Variants in ERI2 observed in about 807,000 individuals in gnomAD.
ERI2 encodes the protein ERI1 exoribonuclease family member 2, also known as ERI1 exoribonuclease 2.
ERI2 carries 35 observed loss-of-function variants against 46.8 expected under a neutral mutation model. That is an observed-to-expected ratio of 0.75 (90% CI 0.57 to 0.99). The LOEUF is 0.99. Ranked by LOEUF, ERI2 falls within the 50% of genes least tolerant of loss-of-function variation. ERI2 has a pLI of 0.00. For synonymous variants in ERI2, 224 were observed against 271.0 expected (o/e 0.83, Z 1.70); for missense variants, 695 against 796.2 (o/e 0.87, Z 1.53).
chr16:20,802,751 T>C (rs2080809878), intron 4 of ERI2, 45 bp downstream of exon 4: 4 of 1,571,120 alleles, frequency 2.5e-6, no homozygotes, highest in Admixed American at 1.8e-5. Flanking sequence ...TAACTTTTAT[T>C]TTCTTTTTGA....
chr16:20,785,979 G>GT, intron 10 of ERI2: 1 of 776,218 alleles, frequency 1.3e-6, no homozygotes, highest in Non-Finnish European at 2.0e-6. Flanking sequence ...CTAGTTCATA[G>GT]TAAGTTTTCA....
Position 20,798,524 on chromosome 16 carries a change from TAC to T in ERI2, c.1274_1275del (p.Cys425TyrfsTer5), listed in dbSNP as rs1392283925. ...AAGTCTGAGTCACTAATGGGAACTGTACAGTCTACGTTTTCCTCAGGCTGAGA... is the reference window on the plus strand; with the variant it reads ...AAGTCTGAGTCACTAATGGGAACTGTAGTCTACGTTTTCCTCAGGCTGAGA... ...PASQPEENVD[C>X]TVPISDSDLE... is the part of the protein sequence containing the mutation. On this transcript the variant is annotated frameshift_variant, in exon 9 of 9. Coordinates refer to ENST00000357967, the MANE Select transcript of ERI2 (RefSeq NM_001142725.2). LOFTEE classifies it high-confidence loss of function. 1 of 1,551,634 alleles carries T rather than the reference TAC, an allele frequency of 6.4e-7. No individual in the cohort carries two copies. Among genetic ancestry groups the T allele is most frequent in the Non-Finnish European group, 8.7e-7 (1 of 1,146,914 alleles).
At chr16:20,783,934 C>G (rs2080411368) in intron 10 of ERI2, among the ~76,000 whole-genome samples, 1 of 152,086 alleles carries the variant, frequency 6.6e-6, no homozygotes, top group African/African-American at 2.4e-5. Flanking sequence ...GCCTCCTGAG[C>G]ATGTAGGATT....
chr16:20,781,350 G>A (rs935382469), intron 10 of ERI2, among the ~76,000 whole-genome samples: 1 of 151,930 alleles, frequency 6.6e-6, no homozygotes, highest in Admixed American at 6.6e-5. Context: ...GAAAATATTT[G>A]GGGAGAAAAA....
intron 7 of ERI2, chr16:20,799,651 T>C (rs568443334): frequency 4.4e-5 from 21 of 475,378 alleles, no homozygotes; most frequent in Non-Finnish European, 7.4e-5. Context: ...AATAATCTAA[T>C]AGTCTTGTTC....
chr16:20,787,456 G>T (rs1190503653), intron 10 of ERI2, among the ~76,000 whole-genome samples: 1 of 152,200 alleles, frequency 6.6e-6, no homozygotes, highest in Non-Finnish European at 1.5e-5. Flanking sequence ...TCCCAAGCTT[G>T]TTTGATCATA....
At chr16:20,804,190 T>C (rs565211760) in intron 1 of ERI2, among the ~76,000 whole-genome samples, 1 of 152,144 alleles carries the variant, frequency 6.6e-6, no homozygotes, top group South Asian at 2.1e-4. Flanking sequence ...TGTTTTACAG[T>C]AATACTGAGT....
At chr16:20,791,932 A>G, downstream of ERI2, 1 of 1,579,732 alleles carries the variant, frequency 6.3e-7, no homozygotes, top group Non-Finnish European at 8.6e-7. Flanking sequence ...TCTCGGAAAA[A>G]AAAAAAAAAA....
In ERI2 at chr16:20,790,639, G is replaced by A; in HGVS notation, c.815+211C>T. 6.2e-7 allele frequency: 1 copy of A among 1,614,068 alleles called. No individual in the cohort carries two copies. The highest frequency in any genetic ancestry group is 8.5e-7 in the Non-Finnish European group (1 of 1,179,982). On this transcript the variant is annotated intron_variant, in intron 9 of 10. Transcript: ENST00000300005. The surrounding 1 kb of genome is among the most constrained non-coding windows in gnomAD (Gnocchi z 4.0). ...CCTCCTGGACAAGAAGGAGATATTG[G>A]CATTCAAGTTCTACCCAACCGACCA...
intron 10 of ERI2, chr16:20,783,667 A>G (rs2080403264): frequency 6.6e-6 from 1 of 152,238 alleles, no homozygotes; most frequent in Non-Finnish European, 1.5e-5. Context: ...CAAAAGGTAT[A>G]TAAAAATACA....
chr16:20,780,613 G>C (rs751722896), exon 11 of ERI2: 1 of 1,608,684 alleles, frequency 6.2e-7, no homozygotes. Context: ...CCTGATTCAT[G>C]ACATGAAGAG....
At position 20,789,429 on chromosome 16, in the gene ERI2, A is replaced by G. The variant is rs1462284374; in HGVS notation, c.894+50T>C. 3.1e-6 allele frequency: 4 copies of G among 1,305,134 alleles called. No homozygotes were observed. The Admixed American group carries it at 6.9e-5, about 23-fold the overall frequency. The allele number at this position is 1,305,134 out of a possible 1,614,324, so 80.8% of individuals were successfully genotyped here. A position where few individuals can be genotyped will look rare whatever the true frequency, so the allele number is the denominator to read the frequency against. ...TAGCTACTGGTAGACACTTCAGGGA[A>G]TGATGAGGATTGGAGAGAGGGTAAG... On this transcript the variant is annotated intron_variant, in intron 10 of 10. Transcript: ENST00000300005.
At chr16:20,803,039 C>T in intron 3 of ERI2, 116 bp from the exon 4 acceptor site, 1 of 1,132,400 alleles carries the variant, frequency 8.8e-7, no homozygotes, top group Non-Finnish European at 1.2e-6. Context: ...TCAGTAAAAG[C>T]ATACTAAAAT....
In ERI2 at chr16:20,796,706, C is replaced by CT; in HGVS notation, c.*1017dup. On this transcript the variant is annotated 3_prime_UTR_variant, in exon 9 of 9. Transcript: ENST00000357967. ...TGGCTTACTGGACTCACAGTAAATACTTAATATCAAGACAACTTTCCTAAC... is the reference window on the plus strand; with the variant it reads ...TGGCTTACTGGACTCACAGTAAATACTTTAATATCAAGACAACTTTCCTAAC... 6.7e-7 allele frequency: 1 copy of CT among 1,482,842 alleles called. No individual in the cohort carries two copies. The highest frequency in any genetic ancestry group is 1.4e-5 in the South Asian group (1 of 71,288). 91.9% of individuals were successfully genotyped at this position (1,482,842 alleles called of 1,614,324 possible).
chr16:20,792,449 A>G, downstream of ERI2: 1 of 1,545,928 alleles, frequency 6.5e-7, no homozygotes, highest in Non-Finnish European at 8.8e-7. Context: ...TAAATATGCA[A>G]GTCAGATAGA....
At chr16:20,791,981 A>T (rs1211462493), downstream of ERI2, 1 of 1,613,264 alleles carries the variant, frequency 6.2e-7, no homozygotes, top group East Asian at 2.2e-5. Context: ...CCATAACAAC[A>T]AAATGCTATT....
exon 11 of ERI2, chr16:20,780,532 T>C (rs2080329016): frequency 7.9e-7 from 1 of 1,273,870 alleles, no homozygotes; most frequent in African/African-American, 1.5e-5. Flanking sequence ...TTAGTTTTGA[T>C]TCTAGAAAGC....
chr16:20,781,697 C>T (rs756970657), intron 10 of ERI2: 23 of 1,606,394 alleles, frequency 1.4e-5, no homozygotes, highest in Non-Finnish European at 1.9e-5. Context: ...TTTGCTTTTT[C>T]TAAATTGCAG....
downstream of ERI2, chr16:20,792,186 G>C (rs774999319): frequency 5.0e-6 from 8 of 1,613,814 alleles, no homozygotes; most frequent in Non-Finnish European, 6.8e-6. Flanking sequence ...CAGTGTTCTA[G>C]AGTGAACCTG....
Sources: allele counts gnomAD v4.1 joint callset (sites outside exome capture counted in the v4.1 genomes callset), GRCh38; gene constraint gnomAD v4.1.1; non-coding constraint Gnocchi (gnomAD v3.1); transcripts MANE v1.5; gene names NCBI Gene and HGNC (gene_info 2026-07-23, HGNC 2026-07-21).